METTL5: variants seen among roughly 807,000 people sequenced by gnomAD.
METTL5 encodes the protein methyltransferase 5, N6-adenosine.
METTL5 carries 28 observed loss-of-function variants against 26.5 expected under a neutral mutation model. That is an observed-to-expected ratio of 1.06 (90% CI 0.78 to 1.45). The LOEUF (loss-of-function observed/expected upper bound fraction) is 1.45. METTL5 is among the 40% of genes most tolerant of loss of function. The pLI is 0.00. For missense variants in METTL5, 231 were observed against 249.9 expected, an observed-to-expected ratio of 0.92 and a Z score of 0.51; for synonymous variants, 86 against 82.6, an observed-to-expected ratio of 1.04 and a Z score of -0.22.
intron 6 of METTL5, chr2:169,812,120 A>G (rs1385691845): frequency 8.8e-6 from 5 of 569,118 alleles, no homozygotes; most frequent in Non-Finnish European, 3.0e-6. Context: ...AAGAACTAGA[A>G]TATTAGCTAT....
At position 169,824,882 on chromosome 2, in the gene METTL5, C is replaced by A. The variant is rs372891359; in HGVS notation, c.-285G>T. ...CGACCACGCACCTCTGGAGGCGACC[C>A]GCACCTCGGCCGGTGCCGGAAGCGC... On this transcript the variant is annotated 5_prime_UTR_variant, in exon 1 of 7. Coordinates refer to ENST00000260953, the MANE Select transcript of METTL5 (RefSeq NM_014168.4). The A allele has an allele frequency of 2.2e-4, 48 of 214,326 alleles. 1 individual carries two copies. In the Admixed American group the frequency reaches 2.4e-3, roughly 11 times the overall value. 13.3% of individuals were successfully genotyped at this position (214,326 alleles called of 1,614,324 possible).
intron 5 of METTL5, among the ~76,000 whole-genome samples, chr2:169,813,577 G>A (rs1481028343): frequency 2.6e-5 from 4 of 151,740 alleles, no homozygotes; most frequent in Admixed American, 1.3e-4. Context: ...AAAACTGGCC[G>A]GGCGCGGTGG....
chr2:169,812,167 C>G, intron 6 of METTL5: 1 of 568,172 alleles, frequency 1.8e-6, no homozygotes, highest in Non-Finnish European at 3.0e-6. Flanking sequence ...TTTATGGTGT[C>G]TCCTAGGCTG....
In METTL5 at chr2:169,821,078, TTCTTGTTAC is replaced by T; in HGVS notation, c.406+5_406+13del. The T allele has an allele frequency of 6.4e-7, 1 of 1,563,454 alleles. No individual in the cohort carries two copies. Among genetic ancestry groups the T allele is most frequent in the South Asian group, 1.2e-5 (1 of 82,856 alleles). On this transcript the variant is annotated splice_donor_5th_base_variant and intron_variant, in intron 3 of 6. Transcript: ENST00000260953. ...TCTATAAATATACCAATATACCCGA[TTCTTGTTAC>T]AAACCTTTATTATTTTTGGTCCCAA...
intron 5 of METTL5, among the ~76,000 whole-genome samples, chr2:169,814,282 T>C (rs1007979709): frequency 6.6e-6 from 1 of 150,446 alleles, no homozygotes; most frequent in Admixed American, 6.6e-5. Context: ...AGGTCAGGAG[T>C]TCAAGACCAG....
At chr2:169,823,569 C>T (rs1172784161) in intron 1 of METTL5, among the ~76,000 whole-genome samples, 1 of 152,224 alleles carries the variant, frequency 6.6e-6, no homozygotes, top group Non-Finnish European at 1.5e-5. Flanking sequence ...CCTGTAATCT[C>T]AGCACTTCTT....
Position 169,824,684 on chromosome 2 carries a change from C to G in METTL5, c.-87G>C. ...AACTGGGATCTTGTTTCCTCCCTAC[C>G]CCCAACCTTCTCCCTTTTTCAGCAC... On this transcript the variant is annotated 5_prime_UTR_variant, in exon 1 of 7. Transcript: ENST00000260953. The G allele has an allele frequency of 9.2e-7, 1 of 1,081,478 alleles. No homozygotes were observed. The highest frequency in any genetic ancestry group is 1.3e-5 in the South Asian group (1 of 79,358). The allele number at this position is 1,081,478 out of a possible 1,614,324, so 67.0% of individuals were successfully genotyped here. A position where few individuals can be genotyped will look rare whatever the true frequency, so the allele number is the denominator to read the frequency against.
Position 169,824,700 on chromosome 2 carries a change from T to G in METTL5, c.-103A>C. On this transcript the variant is annotated 5_prime_UTR_variant, in exon 1 of 7. Coordinates refer to ENST00000260953, the MANE Select transcript of METTL5 (RefSeq NM_014168.4). ...CCTCCCTACCCCCAACCTTCTCCCT[T>G]TTTCAGCACCGCTGGCCGGACCCGA... is the stretch of plus-strand genomic sequence containing the variant. 1.0e-6 allele frequency: 1 copy of G among 957,626 alleles called. No homozygotes were observed. Among genetic ancestry groups the G allele is most frequent in the Non-Finnish European group, 1.7e-6 (1 of 598,596 alleles). The allele number at this position is 957,626 out of a possible 1,614,324, so 59.3% of individuals were successfully genotyped here. A position where few individuals can be genotyped will look rare whatever the true frequency, so the allele number is the denominator to read the frequency against.
intron 3 of METTL5, among the ~76,000 whole-genome samples, chr2:169,820,778 T>A (rs950383801): frequency 6.6e-5 from 10 of 152,310 alleles, no homozygotes; most frequent in African/African-American, 2.4e-4. Flanking sequence ...AGTGGCACAT[T>A]CATGGCTCAT....
chr2:169,812,534 A>AG lies in METTL5; in HGVS notation c.542-29_542-28insC, dbSNP rs758729205. 1.9e-6 allele frequency: 3 copies of AG among 1,609,968 alleles called. No individual in the cohort carries two copies. The Admixed American group carries it at 5.1e-5, about 27-fold the overall frequency. On this transcript the variant is annotated intron_variant, in intron 5 of 6. Transcript: ENST00000260953. The stretch of plus-strand genomic sequence containing the variant: ...GTAAAACAAAAGCCACCTAAGGATA[A>AG]AATTGTATTTCCAAGCGTTTACCAC...
intron 5 of METTL5, among the ~76,000 whole-genome samples, chr2:169,813,789 C>T (rs1690060443): frequency 6.6e-6 from 1 of 151,920 alleles, no homozygotes; most frequent in African/African-American, 2.4e-5. Context: ...TCCCTTGAAC[C>T]CAGGAGGTGG....
Position 169,824,520 on chromosome 2 carries a change from C to G in METTL5, c.78G>C (p.Leu26=), listed in dbSNP as rs2081627010. The change falls in exon 1 of 7, where the codon CTG becomes CTC. Residue 26 remains leucine (L), a synonymous_variant. Transcript: ENST00000260953. ...TGTGCGGCCTGGTAGGATACTGTTC[C>G]AGAAGTAGCTTGGGCTTTTCAAATC... The part of the protein sequence containing the change: ...VDGFEKPKLL[L]EQYPTRPHIA... 1.9e-6 allele frequency: 3 copies of G among 1,614,064 alleles called. No homozygotes were observed. The highest frequency in any genetic ancestry group is 2.7e-5 in the African/African-American group (2 of 74,926).
chr2:169,816,239 C>T (rs913613448), intron 4 of METTL5, among the ~76,000 whole-genome samples: 2 of 152,124 alleles, frequency 1.3e-5, no homozygotes, highest in Non-Finnish European at 2.9e-5. Context: ...GAATTCAGTT[C>T]ATGCAGTAAA....
intron 3 of METTL5, among the ~76,000 whole-genome samples, chr2:169,820,003 G>C (rs1352137439): frequency 6.6e-6 from 1 of 151,394 alleles, no homozygotes; most frequent in East Asian, 1.9e-4. Flanking sequence ...TGTTGCCCAG[G>C]CTGGAGTGCA....
chr2:169,822,775 A>G (rs1372510692), intron 1 of METTL5, among the ~76,000 whole-genome samples: 1 of 152,148 alleles, frequency 6.6e-6, no homozygotes, highest in Non-Finnish European at 1.5e-5. Flanking sequence ...CACAAGCACC[A>G]TAAGCTCCAC....
chr2:169,816,796 T>A lies in METTL5; in HGVS notation c.490-1268A>T, dbSNP rs13424369. On this transcript the variant is annotated intron_variant, in intron 4 of 6. Coordinates refer to ENST00000260953, the MANE Select transcript of METTL5 (RefSeq NM_014168.4). Reference sequence around the variant, plus strand: ...CCTTACACCTTACATGAAAATTAACTCAAGATGGATTAAAAATCTAAATGT... The same window carrying A: ...CCTTACACCTTACATGAAAATTAACACAAGATGGATTAAAAATCTAAATGT... 1.7e-3 allele frequency among the ~76,000 whole-genome samples: 254 copies of A among 152,220 alleles called. 1 individual carries two copies. The highest frequency in any genetic ancestry group is 5.9e-3 in the African/African-American group (243 of 41,530).
chr2:169,824,316 G>A, intron 1 of METTL5, 173 bp downstream of exon 1: 1 of 597,462 alleles, frequency 1.7e-6, no homozygotes. Flanking sequence ...GTGTATGTCT[G>A]TGGAGGGTGT....
intron 6 of METTL5, chr2:169,812,108 G>A (rs1363172624): frequency 3.5e-6 from 2 of 572,530 alleles, no homozygotes; most frequent in Non-Finnish European, 5.9e-6. Flanking sequence ...AAGCATTTAG[G>A]AAAGAACTAG....
Position 169,821,245 on chromosome 2 carries a change from C to G in METTL5, c.253G>C (p.Asp85His), listed in dbSNP as rs758234268. The change falls in exon 3 of 7, where the codon GAC becomes CAC. Residue 85 changes from aspartate to histidine, a missense_variant. Asp to His is a moderately conservative substitution (Grantham distance 81). Coordinates refer to ENST00000260953, the MANE Select transcript of METTL5 (RefSeq NM_014168.4). ...TTCCTATTAAATATTTCCAATGCGTCTTCATCTATGTCAAATCCAACACAC... is the reference window on the plus strand; with the variant it reads ...TTCCTATTAAATATTTCCAATGCGTGTTCATCTATGTCAAATCCAACACAC... ...GLCVGFDIDE[D>H]ALEIFNRNAE... is the part of the protein sequence containing the mutation. 115 of 1,609,616 alleles carry G rather than the reference C, an allele frequency of 7.1e-5. 1 individual carries two copies. The highest frequency in any genetic ancestry group is 9.0e-5 in the Non-Finnish European group (106 of 1,178,544).
Sources: gnomAD v4.1 joint callset for allele counts (sites outside exome capture counted in the v4.1 genomes callset) on GRCh38, gnomAD v4.1.1 for gene constraint, MANE v1.5 for transcripts, NCBI Gene and HGNC (gene_info 2026-07-23, HGNC 2026-07-21) for gene names.